Variants in ADGRB2 observed in about 807,000 individuals in gnomAD.
ADGRB2 encodes brain-specific angiogenesis inhibitor 2.
Under a neutral mutation model 178.7 loss-of-function variants are expected in ADGRB2, and 47 were observed. The ratio of observed to expected loss-of-function variants is 0.26; its 90% CI spans 0.21 to 0.34. ADGRB2 has a LOEUF of 0.34. Ranked by LOEUF, ADGRB2 falls within the 10% of genes least tolerant of loss-of-function variation. ADGRB2 has a pLI of 1.00. For missense variants in ADGRB2, 1,584 were observed against 2,180.8 expected (o/e 0.73, Z 5.45); for synonymous variants, 870 against 912.4 (o/e 0.95, Z 0.84).
Position 31,728,051 on chromosome 1 carries a change from C to T in ADGRB2, c.4546G>A (p.Gly1516Arg), listed in dbSNP as rs1304472045. The change falls in exon 32 of 33, where the codon GGG becomes AGG. Residue 1516 changes from glycine (G) to arginine (R), a missense_variant. Coordinates refer to ENST00000373658, the MANE Select transcript of ADGRB2 (RefSeq NM_001364857.2). The surrounding 1 kb of genome is among the most constrained non-coding windows in gnomAD (Gnocchi z 6.7). ...GTGCACACGCTCCGCTCGGCTGCCC[C>T]ACCCGAGGACACACTCCACCGCTTC... ...REKRWSVSSG[G>R]AAERSVCTDK... 1.9e-6 allele frequency: 3 copies of T among 1,592,674 alleles called. No individual in the cohort carries two copies. The highest frequency in any genetic ancestry group is 2.6e-6 in the Non-Finnish European group (3 of 1,172,282).
chr1:31,744,232 G>A lies in ADGRB2; in HGVS notation c.1048C>T (p.Arg350Trp), dbSNP rs770681893. Residue 350 changes from arginine to tryptophan, a missense_variant, in exon 6 of 33, where the codon CGG becomes TGG. Physicochemically the swap from Arg to Trp is moderately radical, Grantham distance 101 (BLOSUM62 -3). Around this residue, in one of 3 missense-constraint regions of ADGRB2, gnomAD observed 657 missense variants for 847.6 expected, o/e 0.78. Transcript: ENST00000373658. This position sits in a 1 kb window ranked among gnomAD's most constrained non-coding sequence, Gnocchi z 6.7. ...PYGTLCSGPL[R>W]ETRPCNNSAT... ...GAATTGTTGCAGGGCCTGGTCTCCCGCAGGGGCCCGCTGCACAGGGTCCCA... is the reference window on the plus strand; with the variant it reads ...GAATTGTTGCAGGGCCTGGTCTCCCACAGGGGCCCGCTGCACAGGGTCCCA... 9 of 1,545,258 alleles carry A rather than the reference G, an allele frequency of 5.8e-6. No individual in the cohort carries two copies. Among genetic ancestry groups the A allele is most frequent in the Non-Finnish European group, 7.9e-6 (9 of 1,143,484 alleles).
Position 31,738,297 on chromosome 1 carries a change from T to C in ADGRB2, c.2675A>G (p.Glu892Gly). ...ADASSGDWDT[E>G]NCQTLETQAA... Reference sequence around the variant, plus strand: ...CTGGGTCTCCAGGGTCTGGCAATTTTCAGTGTCCCAGTCTCCTGAGCTGGC... The same window carrying C: ...CTGGGTCTCCAGGGTCTGGCAATTTCCAGTGTCCCAGTCTCCTGAGCTGGC... Residue 892 changes from glutamate to glycine, a missense_variant, in exon 18 of 33, where the codon GAA (glutamate) becomes GGA (glycine). Transcript: ENST00000373658. 1 of 1,614,026 alleles carries C rather than the reference T, an allele frequency of 6.2e-7. No individual in the cohort carries two copies. Among genetic ancestry groups the C allele is most frequent in the Admixed American group, 1.7e-5 (1 of 60,018 alleles).
chr1:31,741,504 T>C lies in ADGRB2; in HGVS notation c.1688-25A>G. On this transcript the variant is annotated intron_variant, in intron 10 of 32. Transcript: ENST00000373658. This position sits in a 1 kb window ranked among gnomAD's most constrained non-coding sequence, Gnocchi z 6.5. ...CCTGCAGGGCAATAGGACAGAGGTC[T>C]GGGCATGGGGGCCGAGCTCTCACCC... 1 of 1,582,936 alleles carries C rather than the reference T, an allele frequency of 6.3e-7. No homozygotes were observed. The highest frequency in any genetic ancestry group is 8.6e-7 in the Non-Finnish European group (1 of 1,163,416).
intron 1 of ADGRB2, 49 bp downstream of exon 1, chr1:31,763,835 G>A (rs1172737441): frequency 2.0e-6 from 2 of 985,146 alleles, no homozygotes; most frequent in African/African-American, 1.7e-5. Context: ...GGACCGCGCC[G>A]GCAGGGCTCG....
In ADGRB2 at chr1:31,733,498, G is replaced by T. The variant is rs10798888; in HGVS notation, c.3453-355C>A. The stretch of plus-strand genomic sequence containing the variant: ...GAGCTTTTTAAAAATGCACGGGGCC[G>T]GGACGGCATCCCCAGAGCCTAACTG... On this transcript the variant is annotated intron_variant, in intron 25 of 32. Coordinates refer to ENST00000373658, the MANE Select transcript of ADGRB2 (RefSeq NM_001364857.2). This position sits in a 1 kb window ranked among gnomAD's most constrained non-coding sequence, Gnocchi z 4.3. Among the ~76,000 whole-genome samples, 48,390 of 151,902 alleles carry T rather than the reference G, an allele frequency of 0.32. 10,590 individuals are homozygous for T. The highest frequency in any genetic ancestry group is 0.62 in the African/African-American group (25,724 of 41,348).
In ADGRB2 at chr1:31,741,386, T is replaced by C. The variant is rs1645958422; in HGVS notation, c.1781A>G (p.Tyr594Cys). The C allele has an allele frequency of 6.2e-7, 1 of 1,602,742 alleles. No homozygotes were observed. The highest frequency in any genetic ancestry group is 1.3e-5 in the African/African-American group (1 of 74,836). ...GGGTGCACTCACTGACAGATACAGGTAGCGGTACTCATGGGAGATGCAGCG... is the reference window on the plus strand; with the variant it reads ...GGGTGCACTCACTGACAGATACAGGCAGCGGTACTCATGGGAGATGCAGCG... Reference protein sequence around the residue: ...FARCISHEYRYLYLSLREHLA... With the variant: ...FARCISHEYRCLYLSLREHLA... Residue 594 changes from tyrosine (Y) to cysteine (C), a missense_variant, in exon 11 of 33, where the codon TAC becomes TGC. Around this residue, in one of 3 missense-constraint regions of ADGRB2, gnomAD observed 657 missense variants for 847.6 expected, o/e 0.78. Transcript: ENST00000373658. The surrounding 1 kb of genome is among the most constrained non-coding windows in gnomAD (Gnocchi z 6.5).
At chr1:31,742,781 C>T (rs1239493349) in intron 7 of ADGRB2, 57 bp downstream of exon 7, 11 of 1,370,998 alleles carry the variant, frequency 8.0e-6, no homozygotes, top group Non-Finnish European at 1.0e-5. Context: ...CCCCAGGTCT[C>T]CCGACCCCCC....
intron 4 of ADGRB2, among the ~76,000 whole-genome samples, chr1:31,751,234 C>T (rs1318470770): frequency 6.6e-6 from 1 of 152,220 alleles, no homozygotes; most frequent in East Asian, 1.9e-4. Context: ...GCCCTTCCTC[C>T]TGAGAGCTTC....
chr1:31,736,764 C>T (rs777503384), intron 20 of ADGRB2, 41 bp from the exon 21 acceptor site: 145 of 1,595,292 alleles, frequency 9.1e-5, no homozygotes, highest in Non-Finnish European at 1.2e-4. Flanking sequence ...CCTGAGCAGC[C>T]GCCAGGGCAG....
In ADGRB2 at chr1:31,741,579, G is replaced by C. The variant is rs771483548; in HGVS notation, c.1687+45C>G. 1.9e-6 allele frequency: 3 copies of C among 1,606,668 alleles called. No individual in the cohort carries two copies. The highest frequency in any genetic ancestry group is 2.6e-6 in the Non-Finnish European group (3 of 1,174,814). On this transcript the variant is annotated intron_variant, in intron 10 of 32. Transcript: ENST00000373658. The surrounding 1 kb of genome is among the most constrained non-coding windows in gnomAD (Gnocchi z 6.5). ...CTGGGGGCGCAGAAGGGGGCAATGA[G>C]AATGGCAGGGGTGGTGGTGGTGGGG... is the stretch of plus-strand genomic sequence containing the variant.
rs140777869 is a variant in ADGRB2, at chr1:31,732,535, G to A, written c.3702C>T (p.Asn1234=). 1,028 of 1,614,140 alleles carry A rather than the reference G, an allele frequency of 6.4e-4. 7 individuals are homozygous for A. The African/African-American group carries it at 0.012, about 18-fold the overall frequency. ...ESEDSPDSCK[N]GQLQILSDFE... ...AACTCACCAGGATCTGCAGCTGCCC[G>A]TTCTTACACGAGTCAGGGGAGTCTT... The change falls in exon 27 of 33, where the codon AAC becomes AAT. Residue 1234 remains asparagine, a synonymous_variant. Transcript: ENST00000373658.
intron 6 of ADGRB2, among the ~76,000 whole-genome samples, chr1:31,743,233 T>C (rs1332547965): frequency 2.0e-5 from 3 of 151,974 alleles, no homozygotes; most frequent in Non-Finnish European, 4.4e-5. Flanking sequence ...GGACAGCCCC[T>C]GTGGACGCCT....
chr1:31,742,053 C>G lies in ADGRB2; in HGVS notation c.1417G>C (p.Ala473Pro). The part of the protein sequence containing the change: ...TRECSNLECP[A>P]TDSKWGPWNA... Reference sequence around the variant, plus strand: ...TGCCACCACTGTGCCAAGCACTCACCCGGGCACTCGAGGTTGCTGCACTCC... The same window carrying G: ...TGCCACCACTGTGCCAAGCACTCACGCGGGCACTCGAGGTTGCTGCACTCC... Residue 473 changes from alanine (A) to proline (P), a missense_variant and splice_region_variant, in exon 8 of 33, where the codon GCC becomes CCC. By Grantham distance (27) the Ala-to-Pro change is conservative. Coordinates refer to ENST00000373658, the MANE Select transcript of ADGRB2 (RefSeq NM_001364857.2). 1 of 1,606,286 alleles carries G rather than the reference C, an allele frequency of 6.2e-7. No homozygotes were observed. The highest frequency in any genetic ancestry group is 8.5e-7 in the Non-Finnish European group (1 of 1,175,654).
chr1:31,739,656 AC>A, intron 14 of ADGRB2, 21 bp from the exon 15 acceptor site: 2 of 1,552,098 alleles, frequency 1.3e-6, no homozygotes, highest in African/African-American at 2.7e-5. Context: ...AGGAGGGTGG[AC>A]AGAGACAGAC....
Position 31,740,376 on chromosome 1 carries a change from T to C in ADGRB2, c.1960A>G (p.Thr654Ala), listed in dbSNP as rs757716218. 1.2e-6 allele frequency: 2 copies of C among 1,613,520 alleles called. No homozygotes were observed. The highest frequency in any genetic ancestry group is 2.2e-5 in the East Asian group (1 of 44,872). ...RNVTDTFKRA[T>A]YVPSADDVQR... is the part of the protein sequence containing the mutation. The stretch of plus-strand genomic sequence containing the variant: ...ACATCATCAGCCGAGGGCACGTAGG[T>C]GGCCCTCTTAAAGGTGTCAGTGACA... The change falls in exon 12 of 33, where the codon ACC (threonine) becomes GCC (alanine). Residue 654 changes from threonine to alanine, a missense_variant. Thr to Ala is a moderately conservative substitution (Grantham distance 58). This residue lies in a region of ADGRB2 where 62 missense variants were observed against 140.3 expected (regional missense o/e 0.44). Transcript: ENST00000373658. The surrounding 1 kb of genome is among the most constrained non-coding windows in gnomAD (Gnocchi z 5.9).
rs1014708107 is a variant in ADGRB2, at chr1:31,742,996, C to G, written c.1094G>C (p.Gly365Ala). 6 of 1,500,160 alleles carry G rather than the reference C, an allele frequency of 4.0e-6. No individual in the cohort carries two copies. The Admixed American group carries it at 6.3e-5, about 16-fold the overall frequency. 92.9% of individuals were successfully genotyped at this position (1,500,160 alleles called of 1,614,324 possible). ...CNNSATCPVH[G>A]VWEEWGSWSL... ...CCAGGACCCCCACTCCTCCCACACG[C>G]CGTGCACTGCAAGGAAGCACGTGGC... Residue 365 changes from glycine to alanine, a missense_variant, in exon 7 of 33, where the codon GGC (glycine) becomes GCC (alanine). By Grantham distance (60) the Gly-to-Ala change is moderately conservative (BLOSUM62 0). This residue lies in a region of ADGRB2 where 657 missense variants were observed against 847.6 expected (regional missense o/e 0.78). Coordinates refer to ENST00000373658, the MANE Select transcript of ADGRB2 (RefSeq NM_001364857.2).
At position 31,735,370 on chromosome 1, in the gene ADGRB2, G is replaced by A. The variant is rs1645532384; in HGVS notation, c.3354-89C>T. 3.4e-6 allele frequency: 4 copies of A among 1,173,026 alleles called. No homozygotes were observed. The highest frequency in any genetic ancestry group is 3.1e-5 in the African/African-American group (2 of 65,520). 72.7% of individuals were successfully genotyped at this position (1,173,026 alleles called of 1,614,324 possible). A position where few individuals can be genotyped will look rare whatever the true frequency, so the allele number is the denominator to read the frequency against. On this transcript the variant is annotated intron_variant, in intron 24 of 32. Coordinates refer to ENST00000373658, the MANE Select transcript of ADGRB2 (RefSeq NM_001364857.2). This position sits in a 1 kb window ranked among gnomAD's most constrained non-coding sequence, Gnocchi z 6.0. ...GAATGAGCCCCGAGTGGGGTGGGAGGGGAGGGCAGACGAGAGAGAGAGAGC... is the reference window on the plus strand; with the variant it reads ...GAATGAGCCCCGAGTGGGGTGGGAGAGGAGGGCAGACGAGAGAGAGAGAGC...
rs1254307140 is a variant in ADGRB2, at chr1:31,737,743, C to T, written c.2785G>A (p.Ala929Thr). 1.2e-6 allele frequency: 2 copies of T among 1,613,560 alleles called. No homozygotes were observed. The highest frequency in any genetic ancestry group is 3.3e-5 in the Admixed American group (2 of 60,020). ...QPPKDLTLEL[A>T]GSPSVPLVIG... is the part of the protein sequence containing the mutation. ...ACCAGGGGGACCGAGGGGGAGCCCG[C>T]CAGCTCCAGGGTCTGGGGAAGATGG... The change falls in exon 19 of 33, where the codon GCG (alanine) becomes ACG (threonine). Residue 929 changes from alanine to threonine, a missense_variant. Coordinates refer to ENST00000373658, the MANE Select transcript of ADGRB2 (RefSeq NM_001364857.2).
intron 18 of ADGRB2, 72 bp from the exon 19 acceptor site, chr1:31,737,827 T>G: frequency 7.3e-7 from 1 of 1,372,854 alleles, no homozygotes. Context: ...TGTCCCCTCA[T>G]CTACCATAGA....
Sources: allele counts gnomAD v4.1 joint callset (sites outside exome capture counted in the v4.1 genomes callset), GRCh38; gene constraint gnomAD v4.1.1; regional missense constraint gnomAD v4.1.1; non-coding constraint Gnocchi (gnomAD v3.1); transcripts MANE v1.5; gene names NCBI Gene and HGNC (gene_info 2026-07-23, HGNC 2026-07-21).